ST7: variants seen among roughly 807,000 people sequenced by gnomAD.
The protein encoded by ST7 is suppression of tumorigenicity 7.
A neutral mutation model predicts 78.7 loss-of-function variants in ST7; 28 were observed. The observed-to-expected ratio is 0.36, with a 90% CI of 0.26 to 0.49. The LOEUF (loss-of-function observed/expected upper bound fraction) is 0.49, where lower values mean the gene tolerates loss of function less well. Ranked by LOEUF, ST7 falls within the 20% of genes least tolerant of loss-of-function variation. The pLI is 0.99. For synonymous variants in ST7, 247 were observed against 249.6 expected (o/e 0.99, Z 0.10); for missense variants, 418 against 696.0 (o/e 0.60, Z 4.49).
intron 10 of ST7, among the ~76,000 whole-genome samples, chr7:117,173,178 G>A (rs1288087381): frequency 6.6e-6 from 1 of 152,128 alleles, no homozygotes; most frequent in Non-Finnish European, 1.5e-5. Context: ...TTGTGTACCT[G>A]GCAACAGAGA....
At chr7:117,075,941 A>G (rs575930738) in intron 1 of ST7, among the ~76,000 whole-genome samples, 2 of 152,328 alleles carry the variant, frequency 1.3e-5, no homozygotes, top group South Asian at 2.1e-4. Context: ...ACAAAGTACC[A>G]AAGAACTGAA....
intron 15 of ST7, among the ~76,000 whole-genome samples, chr7:117,229,324 G>A (rs1166201365): frequency 1.3e-5 from 2 of 152,168 alleles, no homozygotes; most frequent in Non-Finnish European, 1.5e-5. Context: ...CACTTGACCT[G>A]TAAAATTGCC....
Position 117,071,025 on chromosome 7 carries a change from T to C in ST7, c.152-28737T>C, listed in dbSNP as rs1055539100. ...ATGAGGTCAGGAGATCGAGACCATC[T>C]TGGTTAACACGGTGAAACGCCCTCT... On this transcript the variant is annotated intron_variant, in intron 1 of 15. Transcript: ENST00000323984. 6.6e-5 allele frequency among the ~76,000 whole-genome samples: 10 copies of C among 152,038 alleles called. 1 individual carries two copies. Among genetic ancestry groups the C allele is most frequent in the African/African-American group, 1.9e-4 (8 of 41,496 alleles).
chr7:117,227,507 A>G (rs1031814849), intron 15 of ST7, among the ~76,000 whole-genome samples: 1 of 152,166 alleles, frequency 6.6e-6, no homozygotes, highest in Non-Finnish European at 1.5e-5. Flanking sequence ...TGGTTTGTGG[A>G]GCCTTGGTAG....
chr7:117,176,968 G>C (rs1032369114), intron 10 of ST7, among the ~76,000 whole-genome samples: 8 of 152,172 alleles, frequency 5.3e-5, no homozygotes, highest in African/African-American at 1.9e-4. Flanking sequence ...AAAGATCATG[G>C]TTACCAGGCA....
chr7:116,985,388 A>G (rs530700058), intron 1 of ST7, among the ~76,000 whole-genome samples: 2 of 152,314 alleles, frequency 1.3e-5, no homozygotes, highest in South Asian at 4.1e-4. Context: ...AGGCCCACAT[A>G]ATTTCCTCTT....
At chr7:117,179,752 T>C (rs1261021311) in intron 10 of ST7, among the ~76,000 whole-genome samples, 1 of 151,376 alleles carries the variant, frequency 6.6e-6, no homozygotes, top group Non-Finnish European at 1.5e-5. Flanking sequence ...TTTTATTTTA[T>C]GGGCCCTGGA....
chr7:117,098,596 G>T (rs1801308675), intron 1 of ST7: 2 of 283,828 alleles, frequency 7.0e-6, no homozygotes, highest in East Asian at 1.2e-4. Context: ...TTTACCCATT[G>T]TCTCATTCAT....
chr7:117,196,624 CTTTTTTTTTTTTTTTTT>C (rs56133709), intron 12 of ST7, among the ~76,000 whole-genome samples: 6 of 59,504 alleles, frequency 1.0e-4, no homozygotes, highest in African/African-American at 3.3e-4. Flanking sequence ...GATTGTTGGG[CTTTTTTTTTTTTTTTTT>C]TTTTTTTTTT....
chr7:117,085,775 A>C (rs923526040), intron 1 of ST7, among the ~76,000 whole-genome samples: 1 of 152,206 alleles, frequency 6.6e-6, no homozygotes, highest in African/African-American at 2.4e-5. Flanking sequence ...AAATTCTGGA[A>C]ATGAAACTCA....
chr7:117,147,257 C>A (rs1028641046), intron 9 of ST7, among the ~76,000 whole-genome samples: 1 of 152,122 alleles, frequency 6.6e-6, no homozygotes, highest in African/African-American at 2.4e-5. Flanking sequence ...TTTCTTCCAA[C>A]TTCCTGTTAT....
At chr7:117,195,302 G>A (rs774281948) in intron 12 of ST7, among the ~76,000 whole-genome samples, 35 of 151,994 alleles carry the variant, frequency 2.3e-4, no homozygotes, top group African/African-American at 5.6e-4. Flanking sequence ...TATTTTATCC[G>A]TGTGCCTTCA....
chr7:117,024,380 A>C (rs2116072909), intron 1 of ST7, among the ~76,000 whole-genome samples: 1 of 152,286 alleles, frequency 6.6e-6, no homozygotes, highest in East Asian at 1.9e-4. Flanking sequence ...TATTGGGCTC[A>C]GTCCTCCTCT....
At chr7:117,078,646 A>G (rs1261279783) in intron 1 of ST7, among the ~76,000 whole-genome samples, 4 of 152,218 alleles carry the variant, frequency 2.6e-5, no homozygotes, top group African/African-American at 9.6e-5. Context: ...GCTTTGCATC[A>G]GGGTCATTTC....
chr7:117,225,274 A>G (rs1235937257), intron 15 of ST7, among the ~76,000 whole-genome samples: 1 of 152,166 alleles, frequency 6.6e-6, no homozygotes, highest in Non-Finnish European at 1.5e-5. Flanking sequence ...ATAGCATCAA[A>G]TGATTGAATA....
At chr7:117,096,376 C>A (rs1277205772) in intron 1 of ST7, among the ~76,000 whole-genome samples, 1 of 152,120 alleles carries the variant, frequency 6.6e-6, no homozygotes, top group African/African-American at 2.4e-5. Flanking sequence ...GACAAGCTCA[C>A]AGGGGACTTA....
At chr7:117,096,023 G>C (rs1022003197) in intron 1 of ST7, among the ~76,000 whole-genome samples, 18 of 124,886 alleles carry the variant, frequency 1.4e-4, no homozygotes, top group Admixed American at 5.0e-4. Context: ...AGCCAAGATT[G>C]TGCCACTGCA....
intron 1 of ST7, among the ~76,000 whole-genome samples, chr7:117,045,011 C>T (rs1797423113): frequency 6.6e-6 from 1 of 152,172 alleles, no homozygotes. Context: ...AGACCAAATA[C>T]TTTGAGGTTA....
At chr7:117,189,196 G>A in intron 10 of ST7, 125 bp from the exon 11 acceptor site, 1 of 567,606 alleles carries the variant, frequency 1.8e-6, no homozygotes, top group Non-Finnish European at 3.0e-6. Flanking sequence ...TGTAATGTCT[G>A]TATTAAAATA....
Sources: allele counts gnomAD v4.1 joint callset (sites outside exome capture counted in the v4.1 genomes callset), GRCh38; gene constraint gnomAD v4.1.1; transcripts MANE v1.5; gene names NCBI Gene and HGNC (gene_info 2026-07-23, HGNC 2026-07-21).